The following ANXA13 variants were observed in gnomAD, a reference collection of about 807,000 sequenced individuals.
ANXA13 encodes the protein annexin XIII.
In ANXA13, 36 loss-of-function variants were observed where a neutral mutation model predicts 46.6. The ratio of observed to expected loss-of-function variants is 0.77; its 90% CI spans 0.59 to 1.02. The LOEUF is 1.02. ANXA13 is among the 50% of genes least tolerant of loss of function. The pLI, the probability that ANXA13 is intolerant of heterozygous loss-of-function variation, is 0.00. For missense variants in ANXA13, 417 were observed against 396.5 expected (o/e 1.05, Z -0.44); for synonymous variants, 163 against 152.9 (o/e 1.07, Z -0.49).
chr8:123,709,681 C>G (rs1813617072), intron 2 of ANXA13, among the ~76,000 whole-genome samples: 1 of 152,162 alleles, frequency 6.6e-6, no homozygotes, highest in Non-Finnish European at 1.5e-5. Context: ...CCAGATCTTC[C>G]CAATCCCAAC....
At chr8:123,716,994 T>C (rs1291965837) in intron 1 of ANXA13, among the ~76,000 whole-genome samples, 1 of 152,190 alleles carries the variant, frequency 6.6e-6, no homozygotes, top group South Asian at 2.1e-4. Flanking sequence ...CTAGGAGACA[T>C]TGTAGAGCCA....
rs374043375 is a variant in ANXA13 at position 123,682,583 on chromosome 8, G to T, written c.832-1224C>A. ...GATCAGGATGGGAGTATGTGGGGGA[G>T]TGAGGGAGGGTTTGCAGTGGATGTG... On this transcript the variant is annotated intron_variant, in intron 10 of 10. Coordinates refer to ENST00000419625, the MANE Select transcript of ANXA13 (RefSeq NM_004306.4). Among the ~76,000 whole-genome samples the T allele has an allele frequency of 7.3e-4, 111 of 152,332 alleles. 2 individuals carry two copies. In the South Asian group the frequency reaches 0.022, roughly 31 times the overall value.
Position 123,693,691 on chromosome 8 carries a change from T to C in ANXA13, c.540+20A>G, listed in dbSNP as rs771967926. 3.0e-5 allele frequency: 47 copies of C among 1,586,086 alleles called. No individual in the cohort carries two copies. In the South Asian group the frequency reaches 5.2e-4, roughly 18 times the overall value. On this transcript the variant is annotated intron_variant, in intron 7 of 10. Coordinates refer to ENST00000419625, the MANE Select transcript of ANXA13 (RefSeq NM_004306.4). ...ATTTAAAAAAAGAATTTGCAGAGAC[T>C]GGCATGTCTGCACACATACATCATA... is the stretch of plus-strand genomic sequence containing the variant.
intron 9 of ANXA13, 147 bp downstream of exon 9, chr8:123,688,724 A>T (rs563077298): frequency 4.4e-6 from 3 of 677,166 alleles, no homozygotes; most frequent in Non-Finnish European, 7.8e-6. Flanking sequence ...CAACTACATC[A>T]CAGTCACTCT....
At chr8:123,720,702 T>C (rs1469931125) in intron 1 of ANXA13, among the ~76,000 whole-genome samples, 3 of 111,098 alleles carry the variant, frequency 2.7e-5, no homozygotes, top group South Asian at 3.3e-4. Context: ...GTGTGTGAGT[T>C]AAGAACATTT....
chr8:123,706,037 G>A (rs775235031), intron 2 of ANXA13, among the ~76,000 whole-genome samples: 6 of 152,180 alleles, frequency 3.9e-5, no homozygotes, highest in Non-Finnish European at 7.3e-5. Flanking sequence ...CACCTCTACA[G>A]CTCTGGGAAC....
intron 10 of ANXA13, among the ~76,000 whole-genome samples, chr8:123,681,905 G>T (rs1344639235): frequency 1.3e-5 from 2 of 152,086 alleles, no homozygotes; most frequent in South Asian, 4.1e-4. Context: ...GATTACAGGC[G>T]TGAGCCACCG....
chr8:123,690,044 A>G lies in ANXA13; in HGVS notation c.643-1098T>C. 6.6e-6 allele frequency among the ~76,000 whole-genome samples: 1 copy of G among 152,156 alleles called. No individual in the cohort carries two copies. The highest frequency in any genetic ancestry group is 1.9e-4 in the East Asian group (1 of 5,188). ...TATCTGGAGGCCTTGGTGTGTGGCA[A>G]TAGAAACCAGATTAGAAGAGTGGGG... On this transcript the variant is annotated intron_variant, in intron 8 of 10. Transcript: ENST00000419625. This position sits in a 1 kb window ranked among gnomAD's most constrained non-coding sequence, Gnocchi z 4.6.
At chr8:123,725,293 C>G (rs1281412053) in intron 1 of ANXA13, among the ~76,000 whole-genome samples, 1 of 152,110 alleles carries the variant, frequency 6.6e-6, no homozygotes, top group Non-Finnish European at 1.5e-5. Context: ...GTACTTAAAT[C>G]TGAAGTTTGG....
intron 1 of ANXA13, among the ~76,000 whole-genome samples, chr8:123,734,294 A>G (rs909333401): frequency 5.3e-5 from 8 of 152,170 alleles, no homozygotes; most frequent in African/African-American, 1.9e-4. Context: ...GATTCTTGTG[A>G]AAACCCAGAC....
Position 123,695,521 on chromosome 8 carries a change from ATT to A in ANXA13, c.450_451del (p.Lys150AsnfsTer9), listed in dbSNP as rs759218332. The A allele has an allele frequency of 1.2e-6, 2 of 1,613,514 alleles. No individual in the cohort carries two copies. The highest frequency in any genetic ancestry group is 2.2e-5 in the East Asian group (1 of 44,852). On this transcript the variant is annotated frameshift_variant, in exon 6 of 11. Transcript: ENST00000419625. LOFTEE classifies it high-confidence loss of function. ...TCTTACCTGCAGCAGAGACACCAGG[ATT>A]TTTTTTAGGTTTCCACTTGTATCAC...
rs115748724 is a variant in ANXA13 at position 123,700,447 on chromosome 8, G to A, written c.187-1888C>T. On this transcript the variant is annotated intron_variant, in intron 3 of 10. Coordinates refer to ENST00000419625, the MANE Select transcript of ANXA13 (RefSeq NM_004306.4). The stretch of plus-strand genomic sequence containing the variant: ...TGGAGGTCAACTGACACGGGGCTGA[G>A]ATTGGATCATACCTAACATCTTCTA... Among the ~76,000 whole-genome samples the A allele has an allele frequency of 8.1e-3, 1,230 of 152,334 alleles. 20 individuals carry two copies. Among genetic ancestry groups the A allele is most frequent in the African/African-American group, 0.027 (1,136 of 41,572 alleles).
rs1814224890 is a variant in ANXA13 at position 123,735,051 on chromosome 8, A to G, written c.15+2269T>C. On this transcript the variant is annotated intron_variant, in intron 1 of 10. Coordinates refer to ENST00000419625, the MANE Select transcript of ANXA13 (RefSeq NM_004306.4). ...GAACTCAGAAGTCACATACCACATC[A>G]TATTTTAGATTTGCTGAGATTCAGA... is the stretch of plus-strand genomic sequence containing the variant. 1.3e-5 allele frequency among the ~76,000 whole-genome samples: 2 copies of G among 151,440 alleles called. 1 individual carries two copies. Among genetic ancestry groups the G allele is most frequent in the South Asian group, 4.2e-4 (2 of 4,774 alleles).
intron 2 of ANXA13, chr8:123,711,882 G>C (rs1813666095): frequency 6.6e-6 from 1 of 152,350 alleles, no homozygotes; most frequent in African/African-American, 2.4e-5. Context: ...CAAAGTATTG[G>C]GATTACAGGC....
intron 3 of ANXA13, among the ~76,000 whole-genome samples, chr8:123,699,007 G>A (rs1813396059): frequency 6.6e-6 from 1 of 152,202 alleles, no homozygotes; most frequent in Non-Finnish European, 1.5e-5. Context: ...GCCTTTCAGT[G>A]TGAAAGGGGG....
chr8:123,684,738 G>A lies in ANXA13; in HGVS notation c.719-16C>T. 6.3e-7 allele frequency: 1 copy of A among 1,576,784 alleles called. No homozygotes were observed. Among genetic ancestry groups the A allele is most frequent in the African/African-American group, 1.3e-5 (1 of 74,204 alleles). ...GCACATCTCACTGGGCAGGACAAAG[G>A]AAAAGAGAATGTGAGGCTTTCACGT... On this transcript the variant is annotated splice_polypyrimidine_tract_variant and intron_variant, in intron 9 of 10. Transcript: ENST00000419625.
chr8:123,725,791 C>T (rs937214455), intron 1 of ANXA13, among the ~76,000 whole-genome samples: 6 of 152,166 alleles, frequency 3.9e-5, no homozygotes, highest in Non-Finnish European at 7.3e-5. Flanking sequence ...GATCTCACAC[C>T]GACTAAAAGC....
chr8:123,735,184 A>G (rs1375745968), intron 1 of ANXA13, among the ~76,000 whole-genome samples: 1 of 152,052 alleles, frequency 6.6e-6, no homozygotes, highest in Non-Finnish European at 1.5e-5. Flanking sequence ...CAGCTATTGA[A>G]TCTCAACAAA....
chr8:123,708,368 G>A (rs1465633333), intron 2 of ANXA13, among the ~76,000 whole-genome samples: 1 of 152,180 alleles, frequency 6.6e-6, no homozygotes, highest in African/African-American at 2.4e-5. Context: ...CAGACAGGGT[G>A]GGAAGCCCCC....
Sources: allele counts gnomAD v4.1 joint callset (sites outside exome capture counted in the v4.1 genomes callset), GRCh38; gene constraint gnomAD v4.1.1; non-coding constraint Gnocchi (gnomAD v3.1); transcripts MANE v1.5; gene names NCBI Gene and HGNC (gene_info 2026-07-23, HGNC 2026-07-21).